Variants in ATP7B observed in about 807,000 individuals in gnomAD.
ATP7B encodes copper-transporting ATPase 2.
ATP7B carries 113 observed loss-of-function variants against 118.9 expected under a neutral mutation model. The observed-to-expected ratio is 0.95, with a 90% CI of 0.82 to 1.11. The LOEUF (loss-of-function observed/expected upper bound fraction) is 1.11. Among genes scored for constraint, ATP7B ranks in the 50% most tolerant of loss-of-function variants. The pLI, the probability that ATP7B is intolerant of heterozygous loss-of-function variation, is 0.00. For missense variants in ATP7B, 1,867 were observed against 1,871.4 expected (o/e 1.00, Z 0.04); for synonymous variants, 777 against 727.4 (o/e 1.07, Z -1.10).
At chr13:51,954,263 G>A (rs550074104) in intron 9 of ATP7B, among the ~76,000 whole-genome samples, 4 of 152,358 alleles carry the variant, frequency 2.6e-5, no homozygotes, top group East Asian at 1.9e-4. Context: ...GGAGCACAAC[G>A]CAGGGGATGG....
intron 7 of ATP7B, 123 bp from the exon 8 acceptor site, chr13:51,958,667 C>G (rs562837824): frequency 1.2e-6 from 1 of 820,128 alleles, no homozygotes; most frequent in East Asian, 2.6e-5. Context: ...GACAGTACTT[C>G]TTCCTCTGTG....
At chr13:51,990,201 CTGTT>C (rs1952842378) in intron 1 of ATP7B, among the ~76,000 whole-genome samples, 1 of 151,984 alleles carries the variant, frequency 6.6e-6, no homozygotes, top group Admixed American at 6.6e-5. Context: ...TTCTTAACCA[CTGTT>C]TGTAGAAAGC....
intron 17 of ATP7B, 131 bp downstream of exon 17, chr13:51,938,920 C>T (rs1291289579): frequency 7.1e-6 from 10 of 1,411,636 alleles, no homozygotes; most frequent in East Asian, 2.3e-5. Context: ...GAATGAAACA[C>T]GTGGAGAGAA....
chr13:52,010,225 G>C (rs1953957314), intron 1 of ATP7B, among the ~76,000 whole-genome samples: 1 of 152,084 alleles, frequency 6.6e-6, no homozygotes, highest in African/African-American at 2.4e-5. Context: ...GCCTCTCTCT[G>C]TCTGTCCACT....
intron 19 of ATP7B, among the ~76,000 whole-genome samples, 158 bp from the exon 20 acceptor site, chr13:51,935,853 C>A (rs74085867): frequency 2.6e-5 from 4 of 152,186 alleles, no homozygotes; most frequent in Admixed American, 6.5e-5. Flanking sequence ...ACAGGCCCCC[C>A]CCAAAGTGAG....
chr13:51,944,602 T>C (rs1957536878), intron 13 of ATP7B, among the ~76,000 whole-genome samples: 1 of 152,076 alleles, frequency 6.6e-6, no homozygotes, highest in Non-Finnish European at 1.5e-5. Flanking sequence ...ACCATCCACA[T>C]ACTCCCCCAC....
chr13:51,939,658 A>C (rs1244717556), intron 16 of ATP7B, among the ~76,000 whole-genome samples: 1 of 102,124 alleles, frequency 9.8e-6, no homozygotes, highest in African/African-American at 3.4e-5. Context: ...CTTTGAGTGA[A>C]TCTTAGCTAT....
At chr13:51,976,624 T>C (rs1952133058) in intron 1 of ATP7B, among the ~76,000 whole-genome samples, 3 of 152,198 alleles carry the variant, frequency 2.0e-5, no homozygotes. Flanking sequence ...TAGAGTCACT[T>C]ACACACACCT....
chr13:51,970,394 C>A, intron 3 of ATP7B, 98 bp downstream of exon 3: 1 of 1,551,400 alleles, frequency 6.4e-7, no homozygotes, highest in South Asian at 1.1e-5. Flanking sequence ...ACCTGGTTAT[C>A]AGGGCTACTG....
intron 1 of ATP7B, 184 bp from the exon 2 acceptor site, chr13:51,975,352 G>A (rs1952054914): frequency 3.6e-6 from 3 of 835,518 alleles, no homozygotes; most frequent in South Asian, 2.7e-5. Context: ...AAAGAGCTCT[G>A]ACATTCTTCT....
At chr13:51,978,530 T>C (rs1593804028) in intron 1 of ATP7B, among the ~76,000 whole-genome samples, 1 of 152,312 alleles carries the variant, frequency 6.6e-6, no homozygotes, top group East Asian at 1.9e-4. Flanking sequence ...ATAAATATAT[T>C]TGTTCATGTG....
intron 1 of ATP7B, among the ~76,000 whole-genome samples, chr13:51,985,641 T>C (rs1952618028): frequency 6.6e-6 from 1 of 152,164 alleles, no homozygotes; most frequent in South Asian, 2.1e-4. Context: ...ATTGCAGTTA[T>C]CCTAAAATTG....
chr13:51,937,159 CT>C (rs1330718818), intron 19 of ATP7B, 116 bp downstream of exon 19: 2 of 911,376 alleles, frequency 2.2e-6, no homozygotes, highest in African/African-American at 3.4e-5. Flanking sequence ...AAAAAACAGC[CT>C]TTCTAAAACG....
chr13:51,947,278 C>T (rs1402308067), intron 12 of ATP7B, among the ~76,000 whole-genome samples: 1 of 152,174 alleles, frequency 6.6e-6, no homozygotes, highest in Non-Finnish European at 1.5e-5. Flanking sequence ...GAAAGGTATC[C>T]ACCAATATGC....
chr13:51,959,003 G>A (rs761244957), intron 7 of ATP7B: 7 of 209,712 alleles, frequency 3.3e-5, no homozygotes, highest in African/African-American at 9.2e-5. Flanking sequence ...TCTGTATTAC[G>A]TGAACATATA....
intron 1 of ATP7B, among the ~76,000 whole-genome samples, chr13:51,994,146 T>G (rs922100234): frequency 1.1e-4 from 17 of 152,252 alleles, no homozygotes; most frequent in Admixed American, 3.3e-4. Context: ...CCGTATATTG[T>G]ATAAACCGGC....
At chr13:51,987,088 GAAAT>G (rs1177310811) in intron 1 of ATP7B, among the ~76,000 whole-genome samples, 1 of 152,158 alleles carries the variant, frequency 6.6e-6, no homozygotes, top group South Asian at 2.1e-4. Flanking sequence ...GCAAGAGAAA[GAAAT>G]AAAGGATATT....
At chr13:51,954,184 A>C (rs1354459843) in intron 9 of ATP7B, among the ~76,000 whole-genome samples, 1 of 152,178 alleles carries the variant, frequency 6.6e-6, no homozygotes, top group East Asian at 1.9e-4. Flanking sequence ...GAGGGAAGGA[A>C]GGATGTGTGC....
intron 2 of ATP7B, among the ~76,000 whole-genome samples, chr13:51,973,647 A>C (rs1327725870): frequency 6.6e-6 from 1 of 152,242 alleles, no homozygotes; most frequent in African/African-American, 2.4e-5. Flanking sequence ...ACTATAAGAA[A>C]CAAATTCCAT....
Sources: gnomAD v4.1 joint callset for allele counts (sites outside exome capture counted in the v4.1 genomes callset) on GRCh38, gnomAD v4.1.1 for gene constraint, MANE v1.5 for transcripts, NCBI Gene and HGNC (gene_info 2026-07-23, HGNC 2026-07-21) for gene names.